The following CCBE1 variants were observed in gnomAD, a reference collection of about 807,000 sequenced individuals.
CCBE1 encodes the protein collagen and calcium binding EGF domains 1, also known as collagen and calcium-binding EGF domain-containing protein 1.
CCBE1 carries 37 observed loss-of-function variants against 50.0 expected under a neutral mutation model. The observed-to-expected ratio is 0.74, with a 90% confidence interval of 0.57 to 0.97. The LOEUF is 0.97. CCBE1 is among the 50% of genes least tolerant of loss of function. The pLI is 0.00. For missense variants in CCBE1, 538 were observed against 523.8 expected (o/e 1.03, Z -0.26); for synonymous variants, 234 against 203.7 (o/e 1.15, Z -1.27).
chr18:59,455,341 C>T (rs1911140865), intron 5 of CCBE1: 6 of 346,928 alleles, frequency 1.7e-5, no homozygotes, highest in South Asian at 1.4e-4. Flanking sequence ...AAATATTCCC[C>T]AAGTGCAGGC....
chr18:59,679,023 TAAG>T (rs1271714801), intron 2 of CCBE1, among the ~76,000 whole-genome samples: 1 of 152,248 alleles, frequency 6.6e-6, no homozygotes, highest in Non-Finnish European at 1.5e-5. Flanking sequence ...TTTCATCTGA[TAAG>T]AATACACCAT....
At chr18:59,668,482 A>G (rs930118910) in intron 2 of CCBE1, among the ~76,000 whole-genome samples, 5 of 152,166 alleles carry the variant, frequency 3.3e-5, no homozygotes, top group African/African-American at 1.2e-4. Flanking sequence ...AAATGAATAT[A>G]TATTTCATAT....
intron 7 of CCBE1, among the ~76,000 whole-genome samples, chr18:59,444,514 T>C (rs963847712): frequency 1.2e-4 from 19 of 152,038 alleles, no homozygotes; most frequent in Non-Finnish European, 2.2e-4. Context: ...TCAATACTTA[T>C]TTTCTCGGTG....
chr18:59,614,506 C>T (rs2053613872), intron 2 of CCBE1, among the ~76,000 whole-genome samples: 3 of 152,170 alleles, frequency 2.0e-5, no homozygotes, highest in African/African-American at 7.2e-5. Flanking sequence ...TTTTGGAGGG[C>T]ACTTTTCACT....
intron 6 of CCBE1, among the ~76,000 whole-genome samples, chr18:59,453,041 T>C (rs1343871056): frequency 6.6e-6 from 1 of 152,232 alleles, no homozygotes; most frequent in Non-Finnish European, 1.5e-5. Flanking sequence ...TCTTTATTTT[T>C]ATACATCACA....
rs1415125280 is a variant in CCBE1, at chr18:59,454,960, G to A, written c.554-9C>T. ...CTCAGACTTCTCATGGCCTGAGAAAGGAGATAGGCTCAGTCCTGTCTGGGA... is the reference window on the plus strand; with the variant it reads ...CTCAGACTTCTCATGGCCTGAGAAAAGAGATAGGCTCAGTCCTGTCTGGGA... On this transcript the variant is annotated splice_polypyrimidine_tract_variant and intron_variant, in intron 5 of 10. Transcript: ENST00000439986. 3.7e-6 allele frequency: 6 copies of A among 1,609,392 alleles called. No individual in the cohort carries two copies. Among genetic ancestry groups the A allele is most frequent in the Non-Finnish European group, 4.3e-6 (5 of 1,176,118 alleles).
At chr18:59,482,084 T>C (rs1353516365) in intron 2 of CCBE1, among the ~76,000 whole-genome samples, 1 of 152,176 alleles carries the variant, frequency 6.6e-6, no homozygotes, top group East Asian at 1.9e-4. Flanking sequence ...TGTATGATGT[T>C]CCTGTCCCTG....
chr18:59,454,253 ATTTGT>A (rs1433895131), intron 6 of CCBE1, among the ~76,000 whole-genome samples: 6 of 152,058 alleles, frequency 3.9e-5, no homozygotes, highest in South Asian at 2.1e-4. Context: ...ATGCCTAGAA[ATTTGT>A]TTTGAGTTGG....
chr18:59,446,922 A>C (rs1011343506), intron 7 of CCBE1, among the ~76,000 whole-genome samples: 1 of 152,248 alleles, frequency 6.6e-6, no homozygotes, highest in African/African-American at 2.4e-5. Context: ...GCCAGGGATA[A>C]GGCACTCAAA....
intron 2 of CCBE1, among the ~76,000 whole-genome samples, chr18:59,583,690 CGCGCGCGCGCGT>C (rs1158187371): frequency 3.0e-5 from 4 of 133,306 alleles, no homozygotes; most frequent in Non-Finnish European, 6.5e-5. Context: ...TGCGCGCGCG[CGCGCGCGCGCGT>C]GTGTGTGTAT....
At chr18:59,535,149 T>C (rs1915199084) in intron 2 of CCBE1, among the ~76,000 whole-genome samples, 1 of 152,178 alleles carries the variant, frequency 6.6e-6, no homozygotes, top group Non-Finnish European at 1.5e-5. Flanking sequence ...AGTTCTGCCT[T>C]CAGCAGTAAT....
chr18:59,654,561 T>A (rs1273401185), intron 2 of CCBE1, among the ~76,000 whole-genome samples: 6 of 151,956 alleles, frequency 3.9e-5, no homozygotes, highest in Non-Finnish European at 7.4e-5. Flanking sequence ...GAGGCAGAGG[T>A]TGCAGTGAGC....
chr18:59,577,761 C>G (rs2053020772), intron 2 of CCBE1, among the ~76,000 whole-genome samples: 1 of 152,038 alleles, frequency 6.6e-6, no homozygotes, highest in Admixed American at 6.6e-5. Flanking sequence ...ATGGATTGAC[C>G]AAAGTGAATT....
intron 2 of CCBE1, among the ~76,000 whole-genome samples, chr18:59,651,705 G>A (rs532053761): frequency 1.3e-5 from 2 of 152,320 alleles, no homozygotes; most frequent in Non-Finnish European, 2.9e-5. Flanking sequence ...TACAAATAAA[G>A]TAGAACTAGT....
rs572570404 is a variant in CCBE1, at chr18:59,545,233, A to G, written c.213-64995T>C. Among the ~76,000 whole-genome samples the G allele has an allele frequency of 2.7e-3, 395 of 145,156 alleles. 1 individual carries two copies. Among genetic ancestry groups the G allele is most frequent in the African/African-American group, 9.2e-3 (370 of 40,380 alleles). ...TCTCTATATATGTGTGTATATATCC[A>G]TATACAAACATTTTAAAGGAGACTT... On this transcript the variant is annotated intron_variant, in intron 2 of 10. Coordinates refer to ENST00000439986, the MANE Select transcript of CCBE1 (RefSeq NM_133459.4).
rs1411624353 is a variant in CCBE1 at position 59,547,845 on chromosome 18, C to T, written c.213-67607G>A. Among the ~76,000 whole-genome samples the T allele has an allele frequency of 2.6e-5, 4 of 152,274 alleles. No individual in the cohort carries two copies. The East Asian group carries it at 7.7e-4, about 29-fold the overall frequency. The stretch of plus-strand genomic sequence containing the variant: ...TAGGAAGGCTCTTCCTGCTTGGCTG[C>T]CACAGCTGATTCAGCAGGAGAAAAC... On this transcript the variant is annotated intron_variant, in intron 2 of 10. Coordinates refer to ENST00000439986, the MANE Select transcript of CCBE1 (RefSeq NM_133459.4).
At chr18:59,498,604 G>A (rs79597995) in intron 2 of CCBE1, among the ~76,000 whole-genome samples, 326 of 152,310 alleles carry the variant, frequency 2.1e-3, no homozygotes, top group African/African-American at 7.6e-3. Context: ...ACAGAGCAAA[G>A]CAGGCAAGAG....
chr18:59,674,268 C>G (rs1056193233), intron 2 of CCBE1, among the ~76,000 whole-genome samples: 1 of 152,122 alleles, frequency 6.6e-6, no homozygotes, highest in African/African-American at 2.4e-5. Context: ...AAATGTGGCA[C>G]ATATACACCA....
At chr18:59,597,336 G>A (rs372255388) in intron 2 of CCBE1, among the ~76,000 whole-genome samples, 2 of 152,234 alleles carry the variant, frequency 1.3e-5, no homozygotes, top group African/African-American at 2.4e-5. Context: ...ATTAGTCAAC[G>A]TAATGCGGAG....
Sources: allele counts gnomAD v4.1 joint callset (sites outside exome capture counted in the v4.1 genomes callset), GRCh38; gene constraint gnomAD v4.1.1; transcripts MANE v1.5; gene names NCBI Gene and HGNC (gene_info 2026-07-23, HGNC 2026-07-21).